The following DHX16 variants were observed in gnomAD, a reference collection of about 807,000 sequenced individuals.
The protein encoded by DHX16 is DEAH-box helicase 16.
A neutral mutation model predicts 131.2 loss-of-function variants in DHX16; 81 were observed. That is an observed-to-expected ratio of 0.62 (90% CI 0.52 to 0.74). The LOEUF is 0.74. Among genes scored for constraint, DHX16 ranks in the 30% least tolerant of loss-of-function variants. DHX16 has a pLI of 0.00. For synonymous variants in DHX16, 440 were observed against 520.2 expected, an observed-to-expected ratio of 0.85 and a Z score of 2.10; for missense variants, 980 against 1,363.1, an observed-to-expected ratio of 0.72 and a Z score of 4.43.
chr6:30,655,723 T>C, intron 16 of DHX16, 126 bp from the exon 17 acceptor site: 1 of 1,070,038 alleles, frequency 9.3e-7, no homozygotes, highest in Non-Finnish European at 1.3e-6. Flanking sequence ...GCATAATGGC[T>C]ACAAAGCAGC....
rs1389882537 is a variant in DHX16 at position 30,662,019 on chromosome 6, C to T, written c.1544+608G>A. ...CCCACCCCCATTACATTCATGAATCCCTTTTCCCCCTCAACACATGTTCAA... is the reference window on the plus strand; with the variant it reads ...CCCACCCCCATTACATTCATGAATCTCTTTTCCCCCTCAACACATGTTCAA... On this transcript the variant is annotated intron_variant, in intron 9 of 19. Transcript: ENST00000376442. This position sits in a 1 kb window ranked among gnomAD's most constrained non-coding sequence, Gnocchi z 4.7. 1 of 621,700 alleles carries T rather than the reference C, an allele frequency of 1.6e-6. No individual in the cohort carries two copies. The highest frequency in any genetic ancestry group is 1.8e-5 in the African/African-American group (1 of 54,878). 38.5% of individuals were successfully genotyped at this position (621,700 alleles called of 1,614,324 possible).
At chr6:30,653,591 G>C (rs941733314) in intron 19 of DHX16, among the ~76,000 whole-genome samples, 3 of 152,194 alleles carry the variant, frequency 2.0e-5, no homozygotes, top group African/African-American at 7.2e-5. Context: ...GTATAGTTGG[G>C]GTCTCACTAT....
rs1300605496 is a variant in DHX16 at position 30,671,154 on chromosome 6, T to G, written c.328A>C (p.Thr110Pro). Residue 110 changes from threonine to proline, a missense_variant, in exon 2 of 20, where the codon ACT becomes CCT. This residue lies in a region of DHX16 where 457 missense variants were observed against 554.8 expected (regional missense o/e 0.82). Transcript: ENST00000376442. ...AGGCTGCTTCCAGCCCTACTCACAG[T>G]CTCCTCACTGCTCTCTTCACTGTCT... is the stretch of plus-strand genomic sequence containing the variant. ...LEDSEESSEE[T>P]VSRAGSSLQK... 6.2e-7 allele frequency: 1 copy of G among 1,613,024 alleles called. No individual in the cohort carries two copies. Among genetic ancestry groups the G allele is most frequent in the Non-Finnish European group, 8.5e-7 (1 of 1,180,022 alleles).
intron 18 of DHX16, 90 bp downstream of exon 18, chr6:30,655,085 C>CA: frequency 6.5e-7 from 1 of 1,546,688 alleles, no homozygotes; most frequent in Admixed American, 1.7e-5. Flanking sequence ...GGCATGCTCT[C>CA]ACGCTGGAGG....
intron 12 of DHX16, among the ~76,000 whole-genome samples, chr6:30,659,021 G>A (rs1437742859): frequency 6.6e-6 from 1 of 152,068 alleles, no homozygotes; most frequent in Non-Finnish European, 1.5e-5. Context: ...TAAACAGGTG[G>A]GATTATAGGC....
In DHX16 at chr6:30,662,185, A is replaced by G. The variant is rs144718692; in HGVS notation, c.1544+442T>C. Among the ~76,000 whole-genome samples, 368 of 152,284 alleles carry G rather than the reference A, an allele frequency of 2.4e-3. 4 individuals are homozygous for G. Among genetic ancestry groups the G allele is most frequent in the Non-Finnish European group, 1.2e-3 (85 of 68,018 alleles). ...ATCTCCACCACTCTGAGGGTTACTC[A>G]GCCATTGGTATTGAGTTGGAATCTG... On this transcript the variant is annotated intron_variant, in intron 9 of 19. Transcript: ENST00000376442. This position sits in a 1 kb window ranked among gnomAD's most constrained non-coding sequence, Gnocchi z 4.7.
At chr6:30,669,744 T>TA (rs953317689) in intron 4 of DHX16, among the ~76,000 whole-genome samples, 3,294 of 113,734 alleles carry the variant, frequency 0.029, 81 homozygotes, top group African/African-American at 0.062. Context: ...AAAAAAGGTT[T>TA]AAAAAAAAAA....
rs772948175 is a variant in DHX16, at chr6:30,672,846, A to G, written c.-5T>C. On this transcript the variant is annotated 5_prime_UTR_variant, in exon 1 of 20. Transcript: ENST00000376442. Reference sequence around the variant, plus strand: ...CAGACCCGCCGGCGTCGCCATGGCGACTCACGCTCCCTGCTCCCGGCCCTG... The same window carrying G: ...CAGACCCGCCGGCGTCGCCATGGCGGCTCACGCTCCCTGCTCCCGGCCCTG... 6.2e-7 allele frequency: 1 copy of G among 1,611,948 alleles called. No individual in the cohort carries two copies. The highest frequency in any genetic ancestry group is 1.1e-5 in the South Asian group (1 of 91,010).
chr6:30,670,660 C>A lies in DHX16; in HGVS notation c.609+130G>T, dbSNP rs1562000449. On this transcript the variant is annotated intron_variant, in intron 3 of 19. Transcript: ENST00000376442. This position sits in a 1 kb window ranked among gnomAD's most constrained non-coding sequence, Gnocchi z 4.4. ...CACAGGATGCACAGGGCTTCTCTCA[C>A]CACAGAGGTGAACATCTCACTAGAG... The A allele has an allele frequency of 2.2e-6, 3 of 1,367,760 alleles. No homozygotes were observed. The highest frequency in any genetic ancestry group is 2.1e-4 in the Middle Eastern group (1 of 4,770). 84.7% of individuals were successfully genotyped at this position (1,367,760 alleles called of 1,614,324 possible).
chr6:30,659,751 C>G lies in DHX16; in HGVS notation c.1839G>C (p.Val613=). The change falls in exon 11 of 20, where the codon GTG becomes GTC. Residue 613 remains valine (V), a synonymous_variant. Transcript: ENST00000376442. ...HVTQPPGDIL[V]FLTGQEEIEA... is the part of the protein sequence containing the mutation. ...TGTCAGGCACCTGTCCTGTCAGGAA[C>G]ACCAGGATATCCCCAGGGGGCTGGG... is the stretch of plus-strand genomic sequence containing the variant. 1 of 1,614,100 alleles carries G rather than the reference C, an allele frequency of 6.2e-7. No individual in the cohort carries two copies. Among genetic ancestry groups the G allele is most frequent in the Non-Finnish European group, 8.5e-7 (1 of 1,179,978 alleles).
intron 4 of DHX16, among the ~76,000 whole-genome samples, chr6:30,669,013 G>A (rs761732580): frequency 5.3e-5 from 8 of 152,040 alleles, no homozygotes; most frequent in Non-Finnish European, 5.9e-5. Context: ...GCTGAGGCAG[G>A]AGAATCGCTT....
Position 30,672,900 on chromosome 6 carries a change from G to C in DHX16, c.-59C>G, listed in dbSNP as rs1769717390. 2.2e-5 allele frequency: 35 copies of C among 1,601,750 alleles called. No individual in the cohort carries two copies. Among genetic ancestry groups the C allele is most frequent in the Admixed American group, 3.5e-5 (2 of 57,936 alleles). ...CGTCGGGCAGCCGCGCTCACTGCTG[G>C]GCCGGTCAGAGGCCTGGAGCCCTCG... On this transcript the variant is annotated 5_prime_UTR_variant, in exon 1 of 20. Coordinates refer to ENST00000376442, the MANE Select transcript of DHX16 (RefSeq NM_003587.5).
rs758600862 is a variant in DHX16, at chr6:30,656,226, G to C, written c.2470C>G (p.Leu824Val). 6.2e-7 allele frequency: 1 copy of C among 1,613,392 alleles called. No homozygotes were observed. Among genetic ancestry groups the C allele is most frequent in the Non-Finnish European group, 8.5e-7 (1 of 1,180,018 alleles). Reference protein sequence around the residue: ...KMAELPVDPMLSKMILASEKY... With the variant: ...KMAELPVDPMVSKMILASEKY... ...TCAGAGGCTAAGATCATTTTGGACAGCATGGGGTCCACCGGCAGCTCTGCC... is the reference window on the plus strand; with the variant it reads ...TCAGAGGCTAAGATCATTTTGGACACCATGGGGTCCACCGGCAGCTCTGCC... Residue 824 changes from leucine to valine, a missense_variant, in exon 16 of 20, where the codon CTG becomes GTG. Around this residue, in one of 3 missense-constraint regions of DHX16, gnomAD observed 309 missense variants for 537.1 expected, o/e 0.58. Transcript: ENST00000376442. The surrounding 1 kb of genome is among the most constrained non-coding windows in gnomAD (Gnocchi z 5.1).
rs1296544509 is a variant in DHX16 at position 30,667,926 on chromosome 6, CA to C, written c.667-2194del. Reference sequence around the variant, plus strand: ...GAATGTAGGACACTGCAAGGTGAGACAGACAGAGAGAGAAACAAACTTAACA... The same window carrying C: ...GAATGTAGGACACTGCAAGGTGAGACGACAGAGAGAGAAACAAACTTAACA... On this transcript the variant is annotated intron_variant, in intron 4 of 19. Transcript: ENST00000376442. 8.9e-4 allele frequency among the ~76,000 whole-genome samples: 136 copies of C among 152,154 alleles called. 3 individuals are homozygous for C. The highest frequency in any genetic ancestry group is 2.5e-4 in the Non-Finnish European group (17 of 68,026).
rs1194908629 is a variant in DHX16 at position 30,661,890 on chromosome 6, G to A, written c.1544+737C>T. On this transcript the variant is annotated intron_variant, in intron 9 of 19. Transcript: ENST00000376442. Reference sequence around the variant, plus strand: ...AGAGATCTTTTGCAAGGGATATGAAGGATAAAATCCTATCTGTCCAATTGC... The same window carrying A: ...AGAGATCTTTTGCAAGGGATATGAAAGATAAAATCCTATCTGTCCAATTGC... The A allele has an allele frequency of 5.4e-5, 39 of 717,742 alleles. No individual in the cohort carries two copies. The Admixed American group carries it at 7.8e-4, about 14-fold the overall frequency. 44.5% of individuals were successfully genotyped at this position (717,742 alleles called of 1,614,324 possible).
chr6:30,663,044 G>A (rs774212504), intron 7 of DHX16, 23 bp from the exon 8 acceptor site: 9 of 1,585,098 alleles, frequency 5.7e-6, no homozygotes, highest in Non-Finnish European at 7.7e-6. Context: ...GAAAAAAGAA[G>A]AAGTTTGCCC....
At chr6:30,669,410 G>A (rs940437754) in intron 4 of DHX16, among the ~76,000 whole-genome samples, 4 of 151,870 alleles carry the variant, frequency 2.6e-5, no homozygotes, top group South Asian at 2.1e-4. Context: ...CCTGGCAACA[G>A]AGTGAGACTC....
chr6:30,666,337 C>T (rs1488695525), intron 4 of DHX16, among the ~76,000 whole-genome samples: 1 of 152,190 alleles, frequency 6.6e-6, no homozygotes, highest in Non-Finnish European at 1.5e-5. Context: ...CTCTCTTCAC[C>T]ATGCTGTGTC....
intron 9 of DHX16, chr6:30,661,875 T>C: frequency 1.4e-6 from 1 of 718,088 alleles, no homozygotes; most frequent in Non-Finnish European, 2.6e-6. Context: ...AGAGATCTTT[T>C]GCAAGGGATA....
Sources: gnomAD v4.1 joint callset for allele counts (sites outside exome capture counted in the v4.1 genomes callset) on GRCh38, gnomAD v4.1.1 for gene constraint, gnomAD v4.1.1 regional missense constraint, Gnocchi (gnomAD v3.1) non-coding constraint, MANE v1.5 for transcripts, NCBI Gene and HGNC (gene_info 2026-07-23, HGNC 2026-07-21) for gene names.